Variants in PVR observed in about 807,000 individuals in gnomAD.
PVR encodes the protein PVR cell adhesion molecule.
In PVR, 39 loss-of-function variants were observed where a neutral mutation model predicts 43.3. The observed-to-expected ratio is 0.90, with a 90% CI of 0.70 to 1.18. The LOEUF is 1.18. PVR is among the 50% of genes most tolerant of loss of function. PVR has a pLI of 0.00. For synonymous variants in PVR, 224 were observed against 233.2 expected (o/e 0.96, Z 0.36); for missense variants, 480 against 549.7 (o/e 0.87, Z 1.27).
At chr19:44,653,434 T>C (rs1300592324) in intron 3 of PVR, among the ~76,000 whole-genome samples, 1 of 152,164 alleles carries the variant, frequency 6.6e-6, no homozygotes, top group Non-Finnish European at 1.5e-5. Context: ...AATAAAACCC[T>C]GTCCCATTGG....
rs1416066214 is a variant in PVR at position 44,647,268 on chromosome 19, G to C, written c.125G>C (p.Gly42Ala). 14 of 1,558,530 alleles carry C rather than the reference G, an allele frequency of 9.0e-6. No individual in the cohort carries two copies. The highest frequency in any genetic ancestry group is 1.2e-5 in the Non-Finnish European group (14 of 1,150,352). The change falls in exon 2 of 8, where the codon GGC becomes GCC. Residue 42 changes from glycine to alanine, a missense_variant. Physicochemically the swap from Gly to Ala is moderately conservative, Grantham distance 60. Coordinates refer to ENST00000425690, the MANE Select transcript of PVR (RefSeq NM_006505.5). Reference sequence around the variant, plus strand: ...CCCACCCAGGTGCCCGGCTTCTTGGGCGACTCCGTGACGCTGCCCTGCTAC... The same window carrying C: ...CCCACCCAGGTGCCCGGCTTCTTGGCCGACTCCGTGACGCTGCCCTGCTAC... ...QAPTQVPGFL[G>A]DSVTLPCYLQ...
rs915838725 is a variant in PVR, at chr19:44,659,155, G to T, written c.1150+255G>T. 1.9e-5 allele frequency: 8 copies of T among 430,318 alleles called. No homozygotes were observed. The East Asian group carries it at 2.3e-4, about 12-fold the overall frequency. The allele number at this position is 430,318 out of a possible 1,614,324, so 26.7% of individuals were successfully genotyped here. On this transcript the variant is annotated intron_variant, in intron 6 of 7. Coordinates refer to ENST00000425690, the MANE Select transcript of PVR (RefSeq NM_006505.5). ...CTTTGGAATTTAATTCAGGTGATGT[G>T]GGAGTCCCTGCCAGATGGATGGAGG...
At chr19:44,653,467 G>A (rs1973338591) in intron 3 of PVR, among the ~76,000 whole-genome samples, 1 of 152,204 alleles carries the variant, frequency 6.6e-6, no homozygotes, top group Non-Finnish European at 1.5e-5. Flanking sequence ...GACATTGAAA[G>A]GTCTTCGCTG....
At chr19:44,644,741 A>G (rs1973030220) in intron 1 of PVR, among the ~76,000 whole-genome samples, 1 of 142,216 alleles carries the variant, frequency 7.0e-6, no homozygotes, top group Admixed American at 7.1e-5. Flanking sequence ...TTTTTGAGAC[A>G]GTCTCACTCC....
chr19:44,647,167 C>A, intron 1 of PVR, 56 bp from the exon 2 acceptor site: 2 of 1,382,556 alleles, frequency 1.4e-6, no homozygotes, highest in South Asian at 1.4e-5. Context: ...TGGAGCCCCT[C>A]CCTATCTAGT....
At position 44,647,211 on chromosome 19, in the gene PVR, G is replaced by T. The variant is rs908723609; in HGVS notation, c.80-12G>T. 5.9e-6 allele frequency: 9 copies of T among 1,519,226 alleles called. No homozygotes were observed. In the Admixed American group the frequency reaches 1.2e-4, roughly 21 times the overall value. 94.1% of individuals were successfully genotyped at this position (1,519,226 alleles called of 1,614,324 possible). On this transcript the variant is annotated splice_polypyrimidine_tract_variant and intron_variant, in intron 1 of 7. Transcript: ENST00000425690. ...GCCCCGGGTCTGACACCTTCTCTTC[G>T]GTTCTCCGCAGGGGACGTCGTCGTG...
In PVR at chr19:44,649,930, G is replaced by T. The variant is rs1973232717; in HGVS notation, c.549G>T (p.Leu183=). ...PPAQITWHSD[L]GGMPNTSQVP... ...CCCAAATCACCTGGCACTCAGACCT[G>T]GGCGGGATGCCCAATACGAGCCAGG... The change falls in exon 3 of 8, where the codon CTG becomes CTT. Residue 183 remains leucine (L), a synonymous_variant. Coordinates refer to ENST00000425690, the MANE Select transcript of PVR (RefSeq NM_006505.5). The T allele has an allele frequency of 1.2e-6, 2 of 1,612,810 alleles. No homozygotes were observed.
chr19:44,655,369 G>A (rs1201354740), intron 4 of PVR, among the ~76,000 whole-genome samples: 24 of 152,274 alleles, frequency 1.6e-4, no homozygotes, highest in Admixed American at 1.4e-3. Context: ...GATTACAGGC[G>A]TGAGCCACCT....
At chr19:44,652,572 C>G (rs774055464) in intron 3 of PVR, among the ~76,000 whole-genome samples, 1 of 152,016 alleles carries the variant, frequency 6.6e-6, no homozygotes. Flanking sequence ...GTGGTAGAGA[C>G]GGGATTTCAC....
intron 3 of PVR, among the ~76,000 whole-genome samples, chr19:44,651,687 A>AT (rs1973284181): frequency 6.6e-6 from 1 of 152,066 alleles, no homozygotes; most frequent in Non-Finnish European, 1.5e-5. Flanking sequence ...ATCTGTCCTG[A>AT]TTCTCCTGCA....
intron 2 of PVR, among the ~76,000 whole-genome samples, chr19:44,648,495 T>A (rs1293567446): frequency 6.6e-6 from 1 of 151,964 alleles, no homozygotes; most frequent in East Asian, 1.9e-4. Context: ...CCCTTTTTTT[T>A]TTTTTGAGAT....
intron 2 of PVR, among the ~76,000 whole-genome samples, chr19:44,648,758 C>G (rs550436625): frequency 1.8e-4 from 28 of 152,330 alleles, no homozygotes; most frequent in African/African-American, 6.7e-4. Flanking sequence ...GGGCTTGGAA[C>G]TGTGCCTAGC....
At chr19:44,644,663 C>T (rs1343425951) in intron 1 of PVR, among the ~76,000 whole-genome samples, 1 of 151,268 alleles carries the variant, frequency 6.6e-6, no homozygotes, top group African/African-American at 2.4e-5. Flanking sequence ...CACCATTACC[C>T]CTCTGACCCC....
intron 2 of PVR, among the ~76,000 whole-genome samples, chr19:44,649,192 A>G (rs1192752561): frequency 6.6e-6 from 1 of 152,110 alleles, no homozygotes; most frequent in Non-Finnish European, 1.5e-5. Context: ...CTGTGTACCC[A>G]TGAGGGCAGA....
chr19:44,663,424 C>T lies in PVR; in HGVS notation c.*1613C>T, dbSNP rs1414933938. ...GAGAAGTGTGGGGAAGAGATAGGAA[C>T]CAGCAGGATGGCAGGGGCAAAGGGC... On this transcript the variant is annotated 3_prime_UTR_variant, in exon 8 of 8. Transcript: ENST00000425690. 7 of 152,300 alleles carry T rather than the reference C, an allele frequency of 4.6e-5. No individual in the cohort carries two copies. The highest frequency in any genetic ancestry group is 1.0e-4 in the Non-Finnish European group (7 of 68,196). The allele number at this position is 152,300 out of a possible 1,614,324, so 9.4% of individuals were successfully genotyped here. A position where few individuals can be genotyped will look rare whatever the true frequency, so the allele number is the denominator to read the frequency against.
chr19:44,661,203 A>G (rs1973581086), intron 6 of PVR, 89 bp from the exon 7 acceptor site: 33 of 1,309,482 alleles, frequency 2.5e-5, no homozygotes, highest in Non-Finnish European at 3.7e-5. Context: ...AGAACTTGAC[A>G]TTTTCAGGGC....
At chr19:44,660,354 T>C (rs1313015274) in intron 6 of PVR, among the ~76,000 whole-genome samples, 3 of 152,202 alleles carry the variant, frequency 2.0e-5, no homozygotes, top group Non-Finnish European at 4.4e-5. Flanking sequence ...TTTCCTCATC[T>C]GTAAAATGGG....
rs1203321992 is a variant in PVR, at chr19:44,664,610, C to CT, written c.*2805dup. The CT allele has an allele frequency of 6.6e-6, 1 of 152,060 alleles. No homozygotes were observed. Among genetic ancestry groups the CT allele is most frequent in the East Asian group, 1.9e-4 (1 of 5,198 alleles). 9.4% of individuals were successfully genotyped at this position (152,060 alleles called of 1,614,324 possible). A position where few individuals can be genotyped will look rare whatever the true frequency, so the allele number is the denominator to read the frequency against. On this transcript the variant is annotated 3_prime_UTR_variant, in exon 8 of 8. Transcript: ENST00000425690. Reference sequence around the variant, plus strand: ...TATTCCATGGGAGGGCTGTACAGGGCTTTTTTAACGAGGCCTCTAAGGACA... The same window carrying CT: ...TATTCCATGGGAGGGCTGTACAGGGCTTTTTTTAACGAGGCCTCTAAGGACA...
chr19:44,662,174 T>G lies in PVR; in HGVS notation c.*363T>G. On this transcript the variant is annotated 3_prime_UTR_variant, in exon 8 of 8. Transcript: ENST00000425690. The stretch of plus-strand genomic sequence containing the variant: ...GTGGAGCCATATAGGCAGCACCTGA[T>G]TCTCACAGCAACATGTGACAACATG... 4.0e-6 allele frequency: 1 copy of G among 248,784 alleles called. No homozygotes were observed. The highest frequency in any genetic ancestry group is 8.7e-5 in the South Asian group (1 of 11,538). The allele number at this position is 248,784 out of a possible 1,614,324, so 15.4% of individuals were successfully genotyped here.
Sources: allele counts gnomAD v4.1 joint callset (sites outside exome capture counted in the v4.1 genomes callset), GRCh38; gene constraint gnomAD v4.1.1; transcripts MANE v1.5; gene names NCBI Gene and HGNC (gene_info 2026-07-23, HGNC 2026-07-21).